The following ARHGEF37 variants were observed in gnomAD, a reference collection of about 807,000 sequenced individuals.
ARHGEF37 encodes Rho guanine nucleotide exchange factor (GEF) 37.
A neutral mutation model predicts 71.1 loss-of-function variants in ARHGEF37; 55 were observed. The ratio of observed to expected loss-of-function variants is 0.77; its 90% CI spans 0.62 to 0.97. ARHGEF37 has a LOEUF of 0.97. Ranked by LOEUF, ARHGEF37 falls within the 50% of genes least tolerant of loss-of-function variation. ARHGEF37 has a pLI of 0.00. For missense variants in ARHGEF37, 765 were observed against 836.8 expected (o/e 0.91, Z 1.06); for synonymous variants, 327 against 350.6 (o/e 0.93, Z 0.75).
chr5:149,589,786 T>G (rs1284272802), intron 1 of ARHGEF37, among the ~76,000 whole-genome samples: 1 of 152,102 alleles, frequency 6.6e-6, no homozygotes, highest in African/African-American at 2.4e-5. Flanking sequence ...CCCAAAGTGC[T>G]GGGATTACAG....
chr5:149,581,175 A>G (rs2095421585), upstream of ARHGEF37, among the ~76,000 whole-genome samples: 1 of 152,200 alleles, frequency 6.6e-6, no homozygotes, highest in Non-Finnish European at 1.5e-5. Flanking sequence ...GGTATCCAGT[A>G]ATACCGGGGT....
At chr5:149,555,130 CAAAAAAA>C (rs914879036) in intron 1 of ARHGEF37, among the ~76,000 whole-genome samples, 3 of 55,982 alleles carry the variant, frequency 5.4e-5, no homozygotes, top group African/African-American at 1.4e-4. Flanking sequence ...GACTCTGTCT[CAAAAAAA>C]AAAAAAAAAA....
At chr5:149,588,521 ACTC>A (rs1763304817) in intron 1 of ARHGEF37, among the ~76,000 whole-genome samples, 1 of 151,402 alleles carries the variant, frequency 6.6e-6, no homozygotes, top group African/African-American at 2.4e-5. Context: ...CTGGTCTCGA[ACTC>A]CTGGCCTCAT....
chr5:149,623,556 G>GAT (rs1392469353), intron 9 of ARHGEF37, among the ~76,000 whole-genome samples: 3 of 152,182 alleles, frequency 2.0e-5, no homozygotes, highest in Non-Finnish European at 4.4e-5. Flanking sequence ...GCAGAGCTAG[G>GAT]GAGTGTTTGG....
At chr5:149,611,986 A>G (rs1752199728) in intron 4 of ARHGEF37, among the ~76,000 whole-genome samples, 1 of 152,234 alleles carries the variant, frequency 6.6e-6, no homozygotes, top group South Asian at 2.1e-4. Context: ...TAGTGTGCAT[A>G]TGCTTGGACA....
rs1187573983 is a variant in ARHGEF37, at chr5:149,634,187, G to T, written c.*1996G>T. On this transcript the variant is annotated 3_prime_UTR_variant, in exon 13 of 13. Coordinates refer to ENST00000333677, the MANE Select transcript of ARHGEF37 (RefSeq NM_001001669.3). The stretch of plus-strand genomic sequence containing the variant: ...GGCTCGGGCCTCAGGAATTCAGAAA[G>T]CTTCCCAGGTGCTTCCAATGTGCAG... 1.3e-5 allele frequency: 2 copies of T among 152,192 alleles called. No individual in the cohort carries two copies. Among genetic ancestry groups the T allele is most frequent in the Admixed American group, 1.3e-4 (2 of 15,284 alleles). 9.4% of individuals were successfully genotyped at this position (152,192 alleles called of 1,614,324 possible).
intron 4 of ARHGEF37, among the ~76,000 whole-genome samples, chr5:149,615,081 C>A (rs1752336846): frequency 6.6e-6 from 1 of 152,178 alleles, no homozygotes; most frequent in Non-Finnish European, 1.5e-5. Flanking sequence ...AAGAAGGAGA[C>A]TATAACTAGT....
chr5:149,566,970 G>A (rs1762906505), intron 1 of ARHGEF37, among the ~76,000 whole-genome samples: 2 of 152,084 alleles, frequency 1.3e-5, no homozygotes, highest in South Asian at 4.2e-4. Flanking sequence ...CAAAATCAAG[G>A]AATTTAATGT....
chr5:149,558,097 C>T (rs1293510618), intron 1 of ARHGEF37, among the ~76,000 whole-genome samples: 1 of 152,136 alleles, frequency 6.6e-6, no homozygotes, highest in African/African-American at 2.4e-5. Context: ...GTCTCAAACT[C>T]CTGACCTCAG....
intron 3 of ARHGEF37, among the ~76,000 whole-genome samples, chr5:149,607,626 G>A (rs1349651107): frequency 6.6e-6 from 1 of 152,188 alleles, no homozygotes; most frequent in Admixed American, 6.6e-5. Context: ...GTCAGCAAAG[G>A]GTGGTGGGAT....
chr5:149,615,283 T>C (rs888888199), intron 4 of ARHGEF37, among the ~76,000 whole-genome samples: 5 of 150,914 alleles, frequency 3.3e-5, no homozygotes, highest in African/African-American at 1.2e-4. Context: ...GCCTCCTGAG[T>C]AGCCACCACC....
In ARHGEF37 at chr5:149,575,404, A is replaced by G. The variant is rs543031164; in HGVS notation, c.-11-22355A>G. ...TCCTCTTTTTCTTTCCTCTTACCCA[A>G]TAAGATCCCAGTTTTGTTAAGGCTA... On this transcript the variant is annotated intron_variant, in intron 1 of 2. Coordinates refer to the ARHGEF37 transcript ENST00000505810. Among the ~76,000 whole-genome samples, 40 of 152,270 alleles carry G rather than the reference A, an allele frequency of 2.6e-4. No homozygotes were observed. The East Asian group carries it at 6.9e-3, about 26-fold the overall frequency.
At chr5:149,595,831 C>A (rs564630564) in intron 1 of ARHGEF37, among the ~76,000 whole-genome samples, 1 of 152,248 alleles carries the variant, frequency 6.6e-6, no homozygotes, top group South Asian at 2.1e-4. Flanking sequence ...GGACCTAAAC[C>A]CAGTGAAGGC....
intron 2 of ARHGEF37, among the ~76,000 whole-genome samples, chr5:149,599,029 C>T (rs1561795225): frequency 1.3e-5 from 2 of 152,092 alleles, no homozygotes; most frequent in Admixed American, 1.3e-4. Context: ...CAACAGCCTT[C>T]TCCCTCTAAG....
chr5:149,597,704 G>A lies in ARHGEF37; in HGVS notation c.-11-55G>A, dbSNP rs1763585977. On this transcript the variant is annotated intron_variant, in intron 1 of 12. Coordinates refer to ENST00000333677, the MANE Select transcript of ARHGEF37 (RefSeq NM_001001669.3). ...AGTAATTGTCATTGAATTAGAGACA[G>A]CATGTCCCAATAGTTCTTCCTGGAA... The A allele has an allele frequency of 3.5e-6, 5 of 1,440,686 alleles. No homozygotes were observed. In the East Asian group the frequency reaches 1.0e-4, roughly 29 times the overall value. 89.2% of individuals were successfully genotyped at this position (1,440,686 alleles called of 1,614,324 possible). A position where few individuals can be genotyped will look rare whatever the true frequency, so the allele number is the denominator to read the frequency against.
At chr5:149,622,271 A>T (rs1418520309) in intron 9 of ARHGEF37, among the ~76,000 whole-genome samples, 1 of 152,218 alleles carries the variant, frequency 6.6e-6, no homozygotes, top group African/African-American at 2.4e-5. Context: ...GAAAGCAAGG[A>T]TAGGACTGAG....
In ARHGEF37 at chr5:149,601,133, T is replaced by A; in HGVS notation, c.212T>A (p.Leu71Gln). Reference sequence around the variant, plus strand: ...TTGCCGCAGGGAGATCTGGATGTCCTGTTCTCAAACATTGATGATATCATC... The same window carrying A: ...TTGCCGCAGGGAGATCTGGATGTCCAGTTCTCAAACATTGATGATATCATC... ...QQLPQGDLDV[L>Q]FSNIDDIIKV... The change falls in exon 3 of 13, where the codon CTG becomes CAG. Residue 71 changes from leucine (L) to glutamine (Q), a missense_variant. By Grantham distance (113) the Leu-to-Gln change is moderately radical. This residue lies in a region of ARHGEF37 where 201 missense variants were observed against 217.5 expected (regional missense o/e 0.92). Transcript: ENST00000333677. 6.2e-7 allele frequency: 1 copy of A among 1,612,770 alleles called. No individual in the cohort carries two copies. Among genetic ancestry groups the A allele is most frequent in the Non-Finnish European group, 8.5e-7 (1 of 1,178,884 alleles).
At chr5:149,608,533 C>T (rs1043084279) in intron 3 of ARHGEF37, among the ~76,000 whole-genome samples, 1 of 151,934 alleles carries the variant, frequency 6.6e-6, no homozygotes, top group East Asian at 1.9e-4. Context: ...CCATCACACC[C>T]GGCTAATTTT....
At chr5:149,597,212 G>A (rs1348684202) in intron 1 of ARHGEF37, among the ~76,000 whole-genome samples, 1 of 152,082 alleles carries the variant, frequency 6.6e-6, no homozygotes. Context: ...AGGCAAGCAT[G>A]TTGTCTGGGT....
Sources: gnomAD v4.1 joint callset for allele counts (sites outside exome capture counted in the v4.1 genomes callset) on GRCh38, gnomAD v4.1.1 for gene constraint, gnomAD v4.1.1 regional missense constraint, MANE v1.5 for transcripts, NCBI Gene and HGNC (gene_info 2026-07-23, HGNC 2026-07-21) for gene names.